SLC12A9: variants seen among roughly 807,000 people sequenced by gnomAD.
The protein encoded by SLC12A9 is solute carrier family 12 member 9, also known as CCC-interacting protein 1.
In SLC12A9, 55 loss-of-function variants were observed where a neutral mutation model predicts 66.0. That is an observed-to-expected ratio of 0.83 (90% confidence interval 0.67 to 1.04). The LOEUF is 1.04. SLC12A9 is among the 50% of genes least tolerant of loss of function. The pLI is 0.00. For missense variants in SLC12A9, 1,061 were observed against 1,241.9 expected, an observed-to-expected ratio of 0.85 and a Z score of 2.19; for synonymous variants, 577 against 569.0, an observed-to-expected ratio of 1.01 and a Z score of -0.20.
At chr7:100,831,789 C>T (rs1482373615) in intron 1 of SLC12A9, among the ~76,000 whole-genome samples, 1 of 152,192 alleles carries the variant, frequency 6.6e-6, no homozygotes, top group Non-Finnish European at 1.5e-5. Context: ...ATCTCAGTCT[C>T]CCCTCTTCTG....
chr7:100,858,715 TAGTG>T (rs1814555002), intron 5 of SLC12A9, 116 bp from the exon 6 acceptor site: 4 of 873,714 alleles, frequency 4.6e-6, no homozygotes, highest in Admixed American at 2.1e-5. Context: ...GCTGGGGTCT[TAGTG>T]AGGGCAGTGC....
intron 9 of SLC12A9, chr7:100,860,515 AG>A (rs1814683793): frequency 2.2e-6 from 1 of 449,336 alleles, no homozygotes; most frequent in Admixed American, 4.1e-5. Context: ...GGGGTATACT[AG>A]TATTTTTCAG....
At chr7:100,860,301 T>C in intron 9 of SLC12A9, 69 bp downstream of exon 9, 4 of 1,518,812 alleles carry the variant, frequency 2.6e-6, no homozygotes, top group Non-Finnish European at 3.6e-6. Context: ...TGCAGTTAGA[T>C]GCAGGCTGGG....
intron 1 of SLC12A9, among the ~76,000 whole-genome samples, chr7:100,853,671 C>T (rs1330695280): frequency 6.6e-6 from 1 of 151,368 alleles, no homozygotes; most frequent in African/African-American, 2.4e-5. Context: ...AAGCGATTCT[C>T]GTGTCTCAGC....
chr7:100,860,936 G>A (rs1814709413), intron 9 of SLC12A9: 3 of 877,284 alleles, frequency 3.4e-6, no homozygotes, highest in Admixed American at 4.1e-5. Flanking sequence ...CACTTTGGGG[G>A]TGCACTGGCA....
chr7:100,855,443 A>G (rs1462037991), intron 3 of SLC12A9: 2 of 396,572 alleles, frequency 5.0e-6, no homozygotes, highest in African/African-American at 4.3e-5. Flanking sequence ...GTTTTAATAA[A>G]TGTGCAGCAG....
intron 1 of SLC12A9, among the ~76,000 whole-genome samples, chr7:100,846,310 T>C: frequency 6.6e-6 from 1 of 152,216 alleles, no homozygotes; most frequent in East Asian, 1.9e-4. Context: ...CTCACGCCTG[T>C]AATCCCAGCA....
Position 100,865,949 on chromosome 7 carries a change from GTGGTGC to G in SLC12A9, c.2093_2098del (p.Val698_Leu699del). ...CGACGCCCTCAAGATGAACAAGAAT[GTGGTGC>G]TGGCCCGGGCCAGCGGGGCCTTGCC... On this transcript the variant is annotated inframe_deletion, in exon 14 of 14. Coordinates refer to ENST00000354161, the MANE Select transcript of SLC12A9 (RefSeq NM_020246.4). The G allele has an allele frequency of 1.2e-6, 2 of 1,613,140 alleles. No individual in the cohort carries two copies. Among genetic ancestry groups the G allele is most frequent in the Non-Finnish European group, 1.7e-6 (2 of 1,179,834 alleles).
intron 1 of SLC12A9, among the ~76,000 whole-genome samples, chr7:100,842,414 T>C (rs986233132): frequency 1.3e-5 from 2 of 152,160 alleles, no homozygotes; most frequent in African/African-American, 4.8e-5. Flanking sequence ...CACTTCTGTC[T>C]CTCCTGACTC....
intron 1 of SLC12A9, among the ~76,000 whole-genome samples, chr7:100,841,345 G>A (rs1459154218): frequency 6.6e-6 from 1 of 151,260 alleles, no homozygotes; most frequent in Admixed American, 6.6e-5. Context: ...TTATGTGCAA[G>A]GTGTATAAGA....
Position 100,861,812 on chromosome 7 carries a change from GT to G in SLC12A9, c.1613del (p.Val538GlyfsTer57). 6 of 1,614,100 alleles carry G rather than the reference GT, an allele frequency of 3.7e-6. No homozygotes were observed. Among genetic ancestry groups the G allele is most frequent in the Non-Finnish European group, 5.1e-6 (6 of 1,179,988 alleles). Reference sequence around the variant, plus strand: ...CTGGCGGCCCCAGCTGCTGCTCCTGGTGGGGAACCCCCGGGGCGCCCTGCCT... The same window carrying G: ...CTGGCGGCCCCAGCTGCTGCTCCTGGGGGGAACCCCCGGGGCGCCCTGCCT... ...KFWRPQLLLL[V>X]GNPRGALPLL... On this transcript the variant is annotated frameshift_variant, in exon 12 of 14. Transcript: ENST00000354161. LOFTEE classifies it high-confidence loss of function. The surrounding 1 kb of genome is among the most constrained non-coding windows in gnomAD (Gnocchi z 5.3).
Position 100,854,666 on chromosome 7 carries a change from G to T in SLC12A9, c.228G>T (p.Leu76=), listed in dbSNP as rs1814275964. 2 of 1,613,966 alleles carry T rather than the reference G, an allele frequency of 1.2e-6. No homozygotes were observed. Among genetic ancestry groups the T allele is most frequent in the Non-Finnish European group, 8.5e-7 (1 of 1,180,018 alleles). The change falls in exon 3 of 14, where the codon CTG becomes CTT. Residue 76 remains leucine, a synonymous_variant. Transcript: ENST00000354161. Reference sequence around the variant, plus strand: ...GGCTACTGCAGGCCCTGGCCATGCTGCTGGTTGCCTACTTCATCCTGGCAC... The same window carrying T: ...GGCTACTGCAGGCCCTGGCCATGCTTCTGGTTGCCTACTTCATCCTGGCAC... The part of the protein sequence containing the change: ...HAGLLQALAM[L]LVAYFILALT...
chr7:100,829,516 G>T (rs911787264), intron 1 of SLC12A9, among the ~76,000 whole-genome samples: 3 of 152,120 alleles, frequency 2.0e-5, no homozygotes, highest in East Asian at 1.9e-4. Flanking sequence ...CCCGGGTTGG[G>T]GGGGGTGGGC....
Position 100,859,038 on chromosome 7 carries a change from C to G in SLC12A9, c.866-12C>G. The G allele has an allele frequency of 6.2e-7, 1 of 1,612,778 alleles. No homozygotes were observed. The highest frequency in any genetic ancestry group is 8.5e-7 in the Non-Finnish European group (1 of 1,179,694). ...GAGGGCTGACCTCACTCCCTCTGCT[C>G]CCCCTCTCCAGGGGAGCTGAAGGAC... On this transcript the variant is annotated splice_polypyrimidine_tract_variant and intron_variant, in intron 6 of 13. Coordinates refer to ENST00000354161, the MANE Select transcript of SLC12A9 (RefSeq NM_020246.4).
chr7:100,831,466 G>A (rs1021555356), intron 1 of SLC12A9, among the ~76,000 whole-genome samples: 5 of 151,602 alleles, frequency 3.3e-5, no homozygotes, highest in Non-Finnish European at 7.4e-5. Context: ...GATTACAGGC[G>A]TGAGCCACTG....
At position 100,859,577 on chromosome 7, in the gene SLC12A9, G is replaced by A. The variant is rs1814613232; in HGVS notation, c.978-308G>A. On this transcript the variant is annotated intron_variant, in intron 7 of 13. Transcript: ENST00000354161. ...AATACAAAAATTAGCCAGGTGTGAT[G>A]GCAAATGCTTGTAGTCTTGGCTACT... 9 of 399,538 alleles carry A rather than the reference G, an allele frequency of 2.3e-5. No individual in the cohort carries two copies. The South Asian group carries it at 2.8e-4, about 13-fold the overall frequency. 24.7% of individuals were successfully genotyped at this position (399,538 alleles called of 1,614,324 possible). A position where few individuals can be genotyped will look rare whatever the true frequency, so the allele number is the denominator to read the frequency against.
Position 100,857,069 on chromosome 7 carries a change from G to T in SLC12A9, c.650G>T (p.Arg217Met). ...ATCAGTTTTGTGGCTGTGGGGCCGA[G>T]GGACATCCGCTTGACTCCTAGGCCT... ...VLISFVAVGPRDIRLTPRPGP... is the reference protein window; with the variant it reads ...VLISFVAVGPMDIRLTPRPGP... The change falls in exon 5 of 14, where the codon AGG becomes ATG. Residue 217 changes from arginine to methionine, a missense_variant. By Grantham distance (91) the Arg-to-Met change is moderately conservative. Transcript: ENST00000354161. 6.2e-7 allele frequency: 1 copy of T among 1,614,220 alleles called. No homozygotes were observed. Among genetic ancestry groups the T allele is most frequent in the African/African-American group, 1.3e-5 (1 of 75,068 alleles).
intron 1 of SLC12A9, among the ~76,000 whole-genome samples, chr7:100,836,312 G>A (rs2116505781): frequency 6.6e-6 from 1 of 152,278 alleles, no homozygotes; most frequent in South Asian, 2.1e-4. Flanking sequence ...TGTGTGTGGG[G>A]AGGAGCAGGA....
chr7:100,855,675 C>T (rs1814343804), intron 3 of SLC12A9, 31 bp from the exon 4 acceptor site: 1 of 1,613,516 alleles, frequency 6.2e-7, no homozygotes, highest in Admixed American at 1.7e-5. Flanking sequence ...CAGTCTTTTC[C>T]CTTAATGCTC....
Sources: gnomAD v4.1 joint callset for allele counts (sites outside exome capture counted in the v4.1 genomes callset) on GRCh38, gnomAD v4.1.1 for gene constraint, Gnocchi (gnomAD v3.1) non-coding constraint, MANE v1.5 for transcripts, NCBI Gene and HGNC (gene_info 2026-07-23, HGNC 2026-07-21) for gene names.